Variants in KIAA1614 observed in about 807,000 individuals in gnomAD.
The protein encoded by KIAA1614 is uncharacterized protein KIAA1614.
In KIAA1614, 76 loss-of-function variants were observed where a neutral mutation model predicts 88.7. The observed-to-expected ratio is 0.86, with a 90% CI of 0.71 to 1.04. The LOEUF (loss-of-function observed/expected upper bound fraction) is 1.04, where lower values mean the gene tolerates loss of function less well. Among genes scored for constraint, KIAA1614 ranks in the 50% least tolerant of loss-of-function variants. The pLI, the probability that KIAA1614 is intolerant of heterozygous loss-of-function variation, is 0.00. For missense variants in KIAA1614, 1,553 were observed against 1,582.5 expected (o/e 0.98, Z 0.32); for synonymous variants, 714 against 675.5 (o/e 1.06, Z -0.88).
chr1:180,915,179 G>A (rs1291584269), intron 1 of KIAA1614, among the ~76,000 whole-genome samples: 2 of 152,250 alleles, frequency 1.3e-5, no homozygotes, highest in African/African-American at 4.8e-5. Flanking sequence ...GCCTGGCATA[G>A]AGCAGATGCC....
At chr1:180,933,982 C>T (rs1056572018) in intron 4 of KIAA1614, among the ~76,000 whole-genome samples, 6 of 152,204 alleles carry the variant, frequency 3.9e-5, no homozygotes, top group South Asian at 2.1e-4. Context: ...AGGCCGGGTG[C>T]GGTGGCTCAC....
intron 3 of KIAA1614, among the ~76,000 whole-genome samples, chr1:180,918,683 C>A (rs1269208017): frequency 6.6e-6 from 1 of 152,146 alleles, no homozygotes; most frequent in Non-Finnish European, 1.5e-5. Context: ...TCAGCCCCTG[C>A]GAGGCCTTGT....
chr1:180,920,811 G>A (rs1180638537), intron 3 of KIAA1614, among the ~76,000 whole-genome samples: 1 of 152,196 alleles, frequency 6.6e-6, no homozygotes, highest in Non-Finnish European at 1.5e-5. Context: ...CTAAGGGTCA[G>A]ATGCGGAGGA....
rs968190772 is a variant in KIAA1614, at chr1:180,945,111, G to T, written c.3288-192G>T. On this transcript the variant is annotated intron_variant, in intron 8 of 8. Transcript: ENST00000367588. Reference sequence around the variant, plus strand: ...CTAGTTCCACAGCAGGCCTTGGGGGGCCTTGCACAGCGGCGGAAACCCACC... The same window carrying T: ...CTAGTTCCACAGCAGGCCTTGGGGGTCCTTGCACAGCGGCGGAAACCCACC... The T allele has an allele frequency of 8.7e-6, 5 of 577,174 alleles. No homozygotes were observed. The South Asian group carries it at 1.1e-4, about 12-fold the overall frequency. 35.8% of individuals were successfully genotyped at this position (577,174 alleles called of 1,614,324 possible).
At chr1:180,917,988 A>G in intron 3 of KIAA1614, 74 bp downstream of exon 3, 1 of 1,291,324 alleles carries the variant, frequency 7.7e-7, no homozygotes, top group East Asian at 2.3e-5. Context: ...GCATCAGGAC[A>G]GTAAGAGACC....
In KIAA1614 at chr1:180,945,456, C is replaced by T. The variant is rs370939989; in HGVS notation, c.3441C>T (p.Cys1147=). The T allele has an allele frequency of 1.6e-4, 251 of 1,612,778 alleles. No homozygotes were observed. The highest frequency in any genetic ancestry group is 3.3e-4 in the Middle Eastern group (2 of 6,050). ...CCCCAGGGGGCACTTTCGGCTTCTG[C>T]GTGGCCTCTGGGAATGGGCGCCCAG... is the stretch of plus-strand genomic sequence containing the variant. ...QRSPGGTFGF[C]VASGNGRPDS... is the part of the protein sequence containing the mutation. The change falls in exon 9 of 9, where the codon TGC becomes TGT. Residue 1147 remains cysteine, a synonymous_variant. Coordinates refer to ENST00000367588, the MANE Select transcript of KIAA1614 (RefSeq NM_020950.2).
Position 180,944,433 on chromosome 1 carries a change from C to T in KIAA1614, c.3204C>T (p.Asn1068=). ...GTCGGAAAGCTGCCTCTTTTCAGAA[C>T]CTCCATTCTCTGCTGAGCAGCAAGG... ...HQRRKAASFQ[N]LHSLLSSKGN... The change falls in exon 8 of 9, where the codon AAC becomes AAT. Residue 1068 remains asparagine (N), a synonymous_variant. Transcript: ENST00000367588. 6 of 1,613,958 alleles carry T rather than the reference C, an allele frequency of 3.7e-6. No homozygotes were observed. Among genetic ancestry groups the T allele is most frequent in the Non-Finnish European group, 5.1e-6 (6 of 1,179,862 alleles).
At position 180,935,744 on chromosome 1, in the gene KIAA1614, T is replaced by C. The variant is rs772527816; in HGVS notation, c.1835T>C (p.Leu612Pro). ...TVCPAEVDSALDSTDNSDNCR... is the reference protein window; with the variant it reads ...TVCPAEVDSAPDSTDNSDNCR... ...TGCCCTGCGGAGGTGGACTCTGCCCTGGACAGCACAGACAACTCTGACAAC... is the reference window on the plus strand; with the variant it reads ...TGCCCTGCGGAGGTGGACTCTGCCCCGGACAGCACAGACAACTCTGACAAC... The change falls in exon 5 of 9, where the codon CTG becomes CCG. Residue 612 changes from leucine to proline, a missense_variant. Physicochemically the swap from Leu to Pro is moderately conservative, Grantham distance 98. Coordinates refer to ENST00000367588, the MANE Select transcript of KIAA1614 (RefSeq NM_020950.2). This position sits in a 1 kb window ranked among gnomAD's most constrained non-coding sequence, Gnocchi z 6.1. 7 of 1,613,842 alleles carry C rather than the reference T, an allele frequency of 4.3e-6. No homozygotes were observed. Among genetic ancestry groups the C allele is most frequent in the Non-Finnish European group, 5.9e-6 (7 of 1,179,952 alleles).
intron 7 of KIAA1614, among the ~76,000 whole-genome samples, chr1:180,943,286 C>CA (rs954409566): frequency 2.0e-5 from 3 of 151,978 alleles, no homozygotes; most frequent in African/African-American, 7.3e-5. Flanking sequence ...CTTGGCCTCC[C>CA]AAAGTGCTGG....
rs1428991508 is a variant in KIAA1614, at chr1:180,917,113, G to A, written c.997+13G>A. 1.2e-6 allele frequency: 2 copies of A among 1,604,906 alleles called. No homozygotes were observed. Among genetic ancestry groups the A allele is most frequent in the East Asian group, 2.2e-5 (1 of 44,764 alleles). Reference sequence around the variant, plus strand: ...ACAGCTGCACCAGGTGAAGCTCACTGTGTAGGTCCAGGTGGTGGGGGGAGC... The same window carrying A: ...ACAGCTGCACCAGGTGAAGCTCACTATGTAGGTCCAGGTGGTGGGGGGAGC... On this transcript the variant is annotated intron_variant, in intron 2 of 8. Transcript: ENST00000367588.
Position 180,916,198 on chromosome 1 carries a change from C to T in KIAA1614, c.95C>T (p.Thr32Ile), listed in dbSNP as rs112657356. ...GSGTASPVEGTSAVEWSGPEP... is the reference protein window; with the variant it reads ...GSGTASPVEGISAVEWSGPEP... ...GGAACAGCCAGCCCCGTGGAGGGGA[C>T]CTCAGCTGTGGAGTGGAGTGGTCCT... The change falls in exon 2 of 9, where the codon ACC becomes ATC. Residue 32 changes from threonine to isoleucine, a missense_variant. Physicochemically the swap from Thr to Ile is moderately conservative, Grantham distance 89. Transcript: ENST00000367588. 457 of 1,602,058 alleles carry T rather than the reference C, an allele frequency of 2.9e-4. 1 individual carries two copies. In the African/African-American group the frequency reaches 5.2e-3, roughly 18 times the overall value.
At chr1:180,939,169 C>G (rs948704655) in intron 6 of KIAA1614, among the ~76,000 whole-genome samples, 1 of 152,174 alleles carries the variant, frequency 6.6e-6, no homozygotes, top group Non-Finnish European at 1.5e-5. Context: ...CTCGGGACCT[C>G]CTTGGCTTGC....
rs1025692244 is a variant in KIAA1614 at position 180,947,111 on chromosome 1, C to T, written c.*1523C>T. 3.3e-5 allele frequency: 5 copies of T among 152,250 alleles called. No homozygotes were observed. Among genetic ancestry groups the T allele is most frequent in the African/African-American group, 1.2e-4 (5 of 41,412 alleles). The allele number at this position is 152,250 out of a possible 1,614,324, so 9.4% of individuals were successfully genotyped here. ...GGCGAGGAAGGGGCCCCATGGGTGT[C>T]TGGGGAAGAGCATTCCGGCAGACTG... On this transcript the variant is annotated 3_prime_UTR_variant, in exon 9 of 9. Coordinates refer to ENST00000367588, the MANE Select transcript of KIAA1614 (RefSeq NM_020950.2).
At chr1:180,913,330 G>T in intron 1 of KIAA1614, 37 bp downstream of exon 1, 1 of 1,225,932 alleles carries the variant, frequency 8.2e-7, no homozygotes, top group Non-Finnish European at 1.0e-6. Context: ...CCGGCCGGGC[G>T]GGGGTGGCGG....
rs759658387 is a variant in KIAA1614, at chr1:180,916,748, A to T, written c.645A>T (p.Gly215=). 1 of 1,614,176 alleles carries T rather than the reference A, an allele frequency of 6.2e-7. No homozygotes were observed. Among genetic ancestry groups the T allele is most frequent in the Non-Finnish European group, 8.5e-7 (1 of 1,180,022 alleles). ...CTTTGCAACAGAGCCCGATCCATGG[A>T]GTTACTCCCGGACGGCCTGGGGGTC... The part of the protein sequence containing the change: ...PSSLQQSPIH[G]VTPGRPGGPG... Residue 215 remains glycine (G), a synonymous_variant, in exon 2 of 9, where the codon GGA becomes GGT. Transcript: ENST00000367588.
intron 8 of KIAA1614, 178 bp from the exon 9 acceptor site, chr1:180,945,125 C>A: frequency 1.5e-6 from 1 of 653,036 alleles, no homozygotes; most frequent in Non-Finnish European, 2.4e-6. Context: ...TGCACAGCGG[C>A]GGAAACCCAC....
intron 6 of KIAA1614, among the ~76,000 whole-genome samples, chr1:180,940,047 A>G (rs959836055): frequency 6.6e-6 from 1 of 152,126 alleles, no homozygotes; most frequent in African/African-American, 2.4e-5. Context: ...CTCCATTTCA[A>G]AGAAGTGCCT....
At chr1:180,931,077 C>T (rs1654187372) in intron 4 of KIAA1614, among the ~76,000 whole-genome samples, 2 of 152,164 alleles carry the variant, frequency 1.3e-5, no homozygotes, top group Non-Finnish European at 2.9e-5. Context: ...CTGGGGCAAG[C>T]CTGAACAGAC....
rs751461174 is a variant in KIAA1614 at position 180,935,366 on chromosome 1, G to C, written c.1457G>C (p.Gly486Ala). ...ACCGTGTTGCAGGCCGCGGACCAGG[G>C]CCCCCTGCGCTCCAAGCCCGACCTC... ...LSTVLQAADQ[G>A]PLRSKPDLAD... The change falls in exon 5 of 9, where the codon GGC (glycine) becomes GCC (alanine). Residue 486 changes from glycine (G) to alanine (A), a missense_variant. Transcript: ENST00000367588. This position sits in a 1 kb window ranked among gnomAD's most constrained non-coding sequence, Gnocchi z 6.1. The C allele has an allele frequency of 2.7e-6, 4 of 1,463,542 alleles. No individual in the cohort carries two copies. The Admixed American group carries it at 1.0e-4, about 37-fold the overall frequency. 90.7% of individuals were successfully genotyped at this position (1,463,542 alleles called of 1,614,324 possible).
Sources: gnomAD v4.1 joint callset for allele counts (sites outside exome capture counted in the v4.1 genomes callset) on GRCh38, gnomAD v4.1.1 for gene constraint, Gnocchi (gnomAD v3.1) non-coding constraint, MANE v1.5 for transcripts, NCBI Gene and HGNC (gene_info 2026-07-23, HGNC 2026-07-21) for gene names.